Variants in COG7 observed in about 807,000 individuals in gnomAD.
COG7 encodes component of oligomeric golgi complex 7.
A neutral mutation model predicts 91.5 loss-of-function variants in COG7; 49 were observed. The ratio of observed to expected loss-of-function variants is 0.54; its 90% CI spans 0.43 to 0.68. COG7 has a LOEUF of 0.68. Among genes scored for constraint, COG7 ranks in the 30% least tolerant of loss-of-function variants. The pLI is 0.00. For synonymous variants in COG7, 365 were observed against 388.7 expected (o/e 0.94, Z 0.72); for missense variants, 895 against 961.3 (o/e 0.93, Z 0.91).
chr16:23,388,953 G>A lies in COG7; in HGVS notation c.2280C>T (p.Thr760=), dbSNP rs760773471. 2.1e-5 allele frequency: 34 copies of A among 1,614,152 alleles called. No homozygotes were observed. The highest frequency in any genetic ancestry group is 1.6e-4 in the Middle Eastern group (1 of 6,062). ...VSKGLPRRLA[T]TVATMRSVNY ...TCACACTCCGCATGGTGGCCACGGT[G>A]GTGGCCAGGCGACGGGGCAGGCCTT... The change falls in exon 17 of 17, where the codon ACC becomes ACT. Residue 760 remains threonine (T), a synonymous_variant. Transcript: ENST00000307149.
rs538324309 is a variant in COG7 at position 23,401,973 on chromosome 16, C to A, written c.1803+1721G>T. Among the ~76,000 whole-genome samples the A allele has an allele frequency of 1.5e-4, 23 of 152,258 alleles. No individual in the cohort carries two copies. The East Asian group carries it at 1.5e-3, about 10-fold the overall frequency. On this transcript the variant is annotated intron_variant, in intron 13 of 16. Coordinates refer to ENST00000307149, the MANE Select transcript of COG7 (RefSeq NM_153603.4). Reference sequence around the variant, plus strand: ...TCGAGAAGCTGAGGCAGGAGGATCACTTGAACCCAGGCAGCAGAGGTTGTA... The same window carrying A: ...TCGAGAAGCTGAGGCAGGAGGATCAATTGAACCCAGGCAGCAGAGGTTGTA...
At chr16:23,429,615 T>C (rs1963902760) in intron 6 of COG7, among the ~76,000 whole-genome samples, 1 of 151,912 alleles carries the variant, frequency 6.6e-6, no homozygotes, top group Non-Finnish European at 1.5e-5. Context: ...AATACAAAAA[T>C]TAGCTGGGCA....
chr16:23,418,880 C>T, intron 7 of COG7, 53 bp from the exon 8 acceptor site: 3 of 1,569,878 alleles, frequency 1.9e-6, no homozygotes, highest in Non-Finnish European at 8.8e-7. Context: ...CTGAAATTAA[C>T]TGTGGGAAAG....
rs548733185 is a variant in COG7 at position 23,420,743 on chromosome 16, CTTCTT to C, written c.1010-1921_1010-1917del. 2.1e-3 allele frequency among the ~76,000 whole-genome samples: 325 copies of C among 151,272 alleles called. 3 individuals carry two copies. The highest frequency in any genetic ancestry group is 3.1e-3 in the Non-Finnish European group (206 of 67,466). ...TCCAAAGTGTTATTTCTTTTTTCTTCTTCTTTTCTTTTTTCTTCGAGACAGGATCT... is the reference window on the plus strand; with the variant it reads ...TCCAAAGTGTTATTTCTTTTTTCTTCTTCTTTTTTCTTCGAGACAGGATCT... On this transcript the variant is annotated intron_variant, in intron 7 of 16. Coordinates refer to ENST00000307149, the MANE Select transcript of COG7 (RefSeq NM_153603.4).
chr16:23,393,154 G>C, intron 15 of COG7, 79 bp downstream of exon 15: 1 of 1,003,312 alleles, frequency 1.0e-6, no homozygotes, highest in Admixed American at 1.9e-5. Flanking sequence ...TGAGCCCAAG[G>C]ATAAGGTGTC....
At chr16:23,392,863 G>A (rs189394368) in intron 15 of COG7, among the ~76,000 whole-genome samples, 7 of 152,202 alleles carry the variant, frequency 4.6e-5, no homozygotes, top group East Asian at 1.9e-4. Flanking sequence ...CCCAGGAGGC[G>A]GAGGTTGTGG....
At chr16:23,403,418 ATTAC>A (rs1963409362) in intron 13 of COG7, among the ~76,000 whole-genome samples, 1 of 152,234 alleles carries the variant, frequency 6.6e-6, no homozygotes, top group South Asian at 2.1e-4. Flanking sequence ...CATAATCTCT[ATTAC>A]TTCTCTGCTG....
At chr16:23,451,722 T>C (rs1412535519) in intron 1 of COG7, among the ~76,000 whole-genome samples, 1 of 112,294 alleles carries the variant, frequency 8.9e-6, no homozygotes, top group Non-Finnish European at 1.7e-5. Context: ...TGAGACCCTG[T>C]CTCAAAAAAA....
At chr16:23,390,135 C>T (rs1963166935) in intron 16 of COG7, 1 of 152,282 alleles carries the variant, frequency 6.6e-6, no homozygotes, top group Non-Finnish European at 1.5e-5. Context: ...CCAGCTCCTC[C>T]CAGTTCATGC....
At chr16:23,417,410 G>A in intron 8 of COG7, 10 of 442,632 alleles carry the variant, frequency 2.3e-5, no homozygotes, top group South Asian at 2.1e-4. Flanking sequence ...TATTAAGATG[G>A]CATCTCTTCC....
chr16:23,443,691 CAATA>C (rs777042676), intron 3 of COG7, among the ~76,000 whole-genome samples: 2 of 151,566 alleles, frequency 1.3e-5, no homozygotes, highest in Non-Finnish European at 2.9e-5. Flanking sequence ...GACTCTGTCT[CAATA>C]AATAAATAAA....
chr16:23,438,199 A>C (rs560530047), intron 4 of COG7, among the ~76,000 whole-genome samples: 1 of 152,310 alleles, frequency 6.6e-6, no homozygotes, highest in East Asian at 1.9e-4. Flanking sequence ...CAATAAAAGA[A>C]TAATATCCAG....
intron 1 of COG7, 97 bp downstream of exon 1, chr16:23,452,729 C>A (rs1399878746): frequency 4.0e-6 from 6 of 1,513,308 alleles, no homozygotes; most frequent in East Asian, 4.9e-5. Flanking sequence ...GCTGTCCATG[C>A]GTGCCCCGCC....
chr16:23,403,588 G>C, intron 13 of COG7, 106 bp downstream of exon 13: 2 of 1,422,498 alleles, frequency 1.4e-6, no homozygotes, highest in Non-Finnish European at 9.9e-7. Flanking sequence ...AGTTAAAGCG[G>C]GATCTTCCCA....
chr16:23,417,023 G>T lies in COG7; in HGVS notation c.1236C>A (p.Phe412Leu). ...ASAAVDRCVR[F>L]TNGLGTCGLL... is the part of the protein sequence containing the mutation. ...GGCCGCAGGTCCCCAGGCCATTGGTGAATCTGACGCATCTGTCAACGGCTG... is the reference window on the plus strand; with the variant it reads ...GGCCGCAGGTCCCCAGGCCATTGGTTAATCTGACGCATCTGTCAACGGCTG... Residue 412 changes from phenylalanine to leucine, a missense_variant, in exon 9 of 17, where the codon TTC (phenylalanine) becomes TTA (leucine). Phe to Leu is a conservative substitution (Grantham distance 22). Transcript: ENST00000307149. 2 of 1,614,238 alleles carry T rather than the reference G, an allele frequency of 1.2e-6. No individual in the cohort carries two copies. The highest frequency in any genetic ancestry group is 2.2e-5 in the South Asian group (2 of 91,090).
chr16:23,427,274 A>C (rs189747921), intron 6 of COG7, among the ~76,000 whole-genome samples: 13 of 152,042 alleles, frequency 8.6e-5, no homozygotes, highest in Admixed American at 5.9e-4. Context: ...AACAAACAAA[A>C]AAAAACCAGG....
chr16:23,417,906 G>A, intron 8 of COG7, among the ~76,000 whole-genome samples: 1 of 152,172 alleles, frequency 6.6e-6, no homozygotes, highest in Non-Finnish European at 1.5e-5. Context: ...AGAGGCAGTA[G>A]ATTTGAACTA....
chr16:23,416,727 T>G (rs1963660842), intron 9 of COG7: 1 of 568,730 alleles, frequency 1.8e-6, no homozygotes, highest in Non-Finnish European at 3.1e-6. Context: ...CTGCACAAGT[T>G]TCCCTCATAT....
intron 7 of COG7, among the ~76,000 whole-genome samples, chr16:23,422,357 A>G (rs1963772178): frequency 6.6e-6 from 1 of 151,792 alleles, no homozygotes; most frequent in African/African-American, 2.4e-5. Flanking sequence ...ATGTCTTAGG[A>G]AAACATTTAA....
Sources: gnomAD v4.1 joint callset for allele counts (sites outside exome capture counted in the v4.1 genomes callset) on GRCh38, gnomAD v4.1.1 for gene constraint, MANE v1.5 for transcripts, NCBI Gene and HGNC (gene_info 2026-07-23, HGNC 2026-07-21) for gene names.